Variants in DHX30 observed in about 807,000 individuals in gnomAD.
DHX30 encodes DExH-box helicase 30.
DHX30 carries 4 observed loss-of-function variants against 116.9 expected under a neutral mutation model. That is an observed-to-expected ratio of 0.03 (90% CI 0.02 to 0.08). The LOEUF (loss-of-function observed/expected upper bound fraction) is 0.08. Ranked by LOEUF, DHX30 falls within the 10% of genes least tolerant of loss-of-function variation. DHX30 has a pLI of 1.00. For missense variants in DHX30, 871 were observed against 1,595.1 expected (o/e 0.55, Z 7.73); for synonymous variants, 697 against 651.7 (o/e 1.07, Z -1.06).
chr3:47,815,590 G>T (rs2106958638), intron 3 of DHX30, among the ~76,000 whole-genome samples: 1 of 152,124 alleles, frequency 6.6e-6, no homozygotes, highest in South Asian at 2.1e-4. Flanking sequence ...CAAAGCTGTT[G>T]GTAAGAATGC....
At chr3:47,809,151 T>C (rs142763519) in intron 2 of DHX30, among the ~76,000 whole-genome samples, 1 of 152,026 alleles carries the variant, frequency 6.6e-6, no homozygotes, top group East Asian at 1.9e-4. Context: ...TTTTATAATA[T>C]TCTGGTTTTC....
At chr3:47,825,028 G>T in intron 4 of DHX30, 1 of 645,262 alleles carries the variant, frequency 1.5e-6, no homozygotes, top group South Asian at 1.6e-5. Context: ...CCTCGGGGTC[G>T]GCGGGAGCAC....
chr3:47,809,234 CTTTTTTTTTT>C (rs71070231), intron 2 of DHX30, among the ~76,000 whole-genome samples: 3 of 63,502 alleles, frequency 4.7e-5, no homozygotes, highest in Non-Finnish European at 7.5e-5. Context: ...AATGTAACTT[CTTTTTTTTTT>C]TTTTTTTTTT....
Position 47,807,876 on chromosome 3 carries a change from T to G in DHX30, c.-28+2456T>G, listed in dbSNP as rs564213959. Among the ~76,000 whole-genome samples, 140 of 151,474 alleles carry G rather than the reference T, an allele frequency of 9.2e-4. 1 individual carries two copies. Among genetic ancestry groups the G allele is most frequent in the Non-Finnish European group, 1.4e-3 (95 of 67,862 alleles). On this transcript the variant is annotated intron_variant, in intron 2 of 21. Coordinates refer to ENST00000445061, the MANE Select transcript of DHX30 (RefSeq NM_138615.3). ...TCCCAAAGTGCTGGGACTACAGGCA[T>G]GAGCCACCCCACCTAGCCATTAAAT...
In DHX30 at chr3:47,846,799, A is replaced by ACCC; in HGVS notation, c.1727_1728insCCC (p.Lys576delinsAsnPro). On this transcript the variant is annotated protein_altering_variant, in exon 11 of 22. Coordinates refer to ENST00000445061, the MANE Select transcript of DHX30 (RefSeq NM_138615.3). ...ACAGACTTTCTGCTGATCCTGCTCA[A>ACCC]GGGCCTGCAGCGGCTCAACCCGGCC... 1 of 1,613,588 alleles carries ACCC rather than the reference A, an allele frequency of 6.2e-7. No individual in the cohort carries two copies. The highest frequency in any genetic ancestry group is 8.5e-7 in the Non-Finnish European group (1 of 1,179,912).
At chr3:47,824,551 C>CA (rs1559698034) in intron 4 of DHX30, among the ~76,000 whole-genome samples, 1 of 151,802 alleles carries the variant, frequency 6.6e-6, no homozygotes, top group Non-Finnish European at 1.5e-5. Context: ...CTCAACCTCC[C>CA]AAAGTGTTGG....
chr3:47,828,158 T>C (rs1350064788), intron 5 of DHX30, among the ~76,000 whole-genome samples: 1 of 151,952 alleles, frequency 6.6e-6, no homozygotes, highest in Non-Finnish European at 1.5e-5. Flanking sequence ...GTCTGGATGA[T>C]TTTTAAAGAT....
At chr3:47,828,327 G>T (rs1334341549) in intron 5 of DHX30, among the ~76,000 whole-genome samples, 3 of 151,620 alleles carry the variant, frequency 2.0e-5, no homozygotes. Flanking sequence ...AGGCATTGTG[G>T]TGCAGGCCTG....
intron 2 of DHX30, among the ~76,000 whole-genome samples, chr3:47,807,712 A>G (rs1361082906): frequency 6.6e-6 from 1 of 150,788 alleles, no homozygotes; most frequent in Admixed American, 6.6e-5. Flanking sequence ...TCAAAAAAAA[A>G]AAAAAAAAAA....
intron 4 of DHX30, among the ~76,000 whole-genome samples, chr3:47,819,610 A>G (rs939337976): frequency 2.0e-5 from 3 of 152,110 alleles, no homozygotes; most frequent in Admixed American, 6.6e-5. Flanking sequence ...AGCTCCCTAG[A>G]GGCTTCACTG....
Position 47,847,679 on chromosome 3 carries a change from C to A in DHX30, c.2111-102C>A. The A allele has an allele frequency of 6.7e-7, 1 of 1,494,906 alleles. No homozygotes were observed. Among genetic ancestry groups the A allele is most frequent in the South Asian group, 1.3e-5 (1 of 76,380 alleles). The allele number at this position is 1,494,906 out of a possible 1,614,324, so 92.6% of individuals were successfully genotyped here. A position where few individuals can be genotyped will look rare whatever the true frequency, so the allele number is the denominator to read the frequency against. ...CACTGGGCATAGTGTTTATCTGCGC[C>A]TGTTTCATCAAAATGGGGTCAAAAT... On this transcript the variant is annotated intron_variant, in intron 13 of 21. Coordinates refer to ENST00000445061, the MANE Select transcript of DHX30 (RefSeq NM_138615.3). This position sits in a 1 kb window ranked among gnomAD's most constrained non-coding sequence, Gnocchi z 5.5.
Position 47,843,144 on chromosome 3 carries a change from G to A in DHX30, c.828G>A (p.Lys276=). 4 of 1,614,256 alleles carry A rather than the reference G, an allele frequency of 2.5e-6. No homozygotes were observed. Among genetic ancestry groups the A allele is most frequent in the Non-Finnish European group, 3.4e-6 (4 of 1,180,054 alleles). ...MQFHTVGTKT[K]LSTLTLLWPC... ...TCCATACTGTGGGCACCAAGACCAA[G>A]CTGTCTACACTCACCCTGCTCTGGC... is the stretch of plus-strand genomic sequence containing the variant. Residue 276 remains lysine (K), a synonymous_variant, in exon 9 of 22, where the codon AAG becomes AAA. Transcript: ENST00000445061.
At chr3:47,823,996 C>CTTTTTTTTTTT (rs759550719) in intron 4 of DHX30, among the ~76,000 whole-genome samples, 5 of 100,362 alleles carry the variant, frequency 5.0e-5, no homozygotes, top group Non-Finnish European at 7.9e-5. Context: ...TTTTCTTTTC[C>CTTTTTTTTTTT]TTTTTTTTTT....
rs1165263764 is a variant in DHX30, at chr3:47,846,309, C to T, written c.1237C>T (p.Leu413Phe). 1 of 1,614,220 alleles carries T rather than the reference C, an allele frequency of 6.2e-7. No homozygotes were observed. The highest frequency in any genetic ancestry group is 8.5e-7 in the Non-Finnish European group (1 of 1,180,050). ...CCTGTTGGAAGCAGAGGAGGTACGT[C>T]TCAGCCAGAGTCTGCTAGAACTGTG... ...VPLLEAEEVR[L>F]SQSLLELWRR... The change falls in exon 11 of 22, where the codon CTC (leucine) becomes TTC (phenylalanine). Residue 413 changes from leucine (L) to phenylalanine (F), a missense_variant. Physicochemically the swap from Leu to Phe is conservative, Grantham distance 22 (BLOSUM62 0). Transcript: ENST00000445061.
At chr3:47,842,621 A>T (rs2037431204) in intron 8 of DHX30, 1 of 152,716 alleles carries the variant, frequency 6.5e-6, no homozygotes, top group African/African-American at 2.4e-5. Flanking sequence ...TGGCCGAAAG[A>T]ATTTTGAGCA....
At chr3:47,814,435 A>C (rs1576466290) in intron 3 of DHX30, among the ~76,000 whole-genome samples, 2 of 150,150 alleles carry the variant, frequency 1.3e-5, no homozygotes, top group East Asian at 2.0e-4. Flanking sequence ...AAAACAAAAA[A>C]AAAAAAAAAA....
In DHX30 at chr3:47,847,842, G is replaced by A. The variant is rs1420642042; in HGVS notation, c.2172G>A (p.Val724=). The A allele has an allele frequency of 6.2e-7, 1 of 1,614,194 alleles. No individual in the cohort carries two copies. Among genetic ancestry groups the A allele is most frequent in the Non-Finnish European group, 8.5e-7 (1 of 1,180,042 alleles). The change falls in exon 14 of 22, where the codon GTG becomes GTA. Residue 724 remains valine, a synonymous_variant. Coordinates refer to ENST00000445061, the MANE Select transcript of DHX30 (RefSeq NM_138615.3). This position sits in a 1 kb window ranked among gnomAD's most constrained non-coding sequence, Gnocchi z 5.5. ...KAIFQQPPVG[V]RKIVLATNIA... is the part of the protein sequence containing the mutation. Reference sequence around the variant, plus strand: ...TATTCCAGCAGCCTCCAGTTGGGGTGCGCAAGATTGTCTTGGCCACCAACA... The same window carrying A: ...TATTCCAGCAGCCTCCAGTTGGGGTACGCAAGATTGTCTTGGCCACCAACA...
Position 47,845,218 on chromosome 3 carries a change from C to T in DHX30, c.940-482C>T, listed in dbSNP as rs11922618. Among the ~76,000 whole-genome samples, 519 of 152,224 alleles carry T rather than the reference C, an allele frequency of 3.4e-3. 6 individuals are homozygous for T. Among genetic ancestry groups the T allele is most frequent in the African/African-American group, 0.012 (482 of 41,522 alleles). ...TATTATTTTCTTTGAGACAGAGTCT[C>T]GCTCTGTCGCCCAGGCTGGAGTGCA... On this transcript the variant is annotated intron_variant, in intron 9 of 21. Coordinates refer to ENST00000445061, the MANE Select transcript of DHX30 (RefSeq NM_138615.3).
intron 4 of DHX30, chr3:47,819,164 C>T: frequency 3.1e-6 from 4 of 1,301,016 alleles, no homozygotes; most frequent in East Asian, 4.6e-5. Context: ...ATGCCACCCC[C>T]CTACCGTTAC....
Sources: gnomAD v4.1 joint callset for allele counts (sites outside exome capture counted in the v4.1 genomes callset) on GRCh38, gnomAD v4.1.1 for gene constraint, Gnocchi (gnomAD v3.1) non-coding constraint, MANE v1.5 for transcripts, NCBI Gene and HGNC (gene_info 2026-07-23, HGNC 2026-07-21) for gene names.